AFG2A: variants seen among roughly 807,000 people sequenced by gnomAD.
The protein encoded by AFG2A is ATPase family gene 2 protein homolog A.
At chr4:122,945,041 C>T in the AFG2A span, among the ~76,000 whole-genome samples, 5 of 152,194 alleles carry the variant, frequency 3.3e-5, no homozygotes, top group African/African-American at 1.2e-4. Flanking sequence ...TGTCAGTCTG[C>T]CCCTACTGGG....
At chr4:122,953,235 T>G in the AFG2A span, among the ~76,000 whole-genome samples, 1 of 152,206 alleles carries the variant, frequency 6.6e-6, no homozygotes, top group Non-Finnish European at 1.5e-5. Flanking sequence ...TCAAGCCTGA[T>G]AAGATATCCA....
the AFG2A span, among the ~76,000 whole-genome samples, chr4:123,189,961 C>G: frequency 6.6e-6 from 1 of 151,358 alleles, no homozygotes; most frequent in Non-Finnish European, 1.5e-5. Context: ...GTGCACCACA[C>G]CTGGCTAATT....
chr4:122,982,717 A>G, the AFG2A span, among the ~76,000 whole-genome samples: 4 of 151,610 alleles, frequency 2.6e-5, no homozygotes, highest in Non-Finnish European at 5.9e-5. Context: ...GGTAGGTTGT[A>G]TGTTTCTGGG....
At chr4:123,088,526 G>A in the AFG2A span, among the ~76,000 whole-genome samples, 1 of 152,186 alleles carries the variant, frequency 6.6e-6, no homozygotes, top group African/African-American at 2.4e-5. Context: ...TTTGAAGGAT[G>A]TTGATAGTGT....
At chr4:123,034,411 G>A in the AFG2A span, among the ~76,000 whole-genome samples, 4 of 151,710 alleles carry the variant, frequency 2.6e-5, no homozygotes, top group East Asian at 1.9e-4. Context: ...GCAAACCCAC[G>A]TTAAAAGACA....
At chr4:123,002,660 C>G in the AFG2A span, among the ~76,000 whole-genome samples, 2 of 152,200 alleles carry the variant, frequency 1.3e-5, no homozygotes, top group South Asian at 4.1e-4. Flanking sequence ...TGTAGAGTTT[C>G]TGCCGAGAGA....
At chr4:123,256,049 A>G in the AFG2A span, 1 of 1,614,132 alleles carries the variant, frequency 6.2e-7, no homozygotes, top group Admixed American at 1.7e-5. Context: ...TGATAGAATC[A>G]TCTATGTGCC....
At chr4:123,117,884 G>A in the AFG2A span, among the ~76,000 whole-genome samples, 1 of 151,490 alleles carries the variant, frequency 6.6e-6, no homozygotes, top group African/African-American at 2.4e-5. Context: ...TAAGGGACCA[G>A]CCAGGGCTAC....
the AFG2A span, among the ~76,000 whole-genome samples, chr4:123,271,042 T>C: frequency 6.6e-6 from 1 of 152,194 alleles, no homozygotes; most frequent in African/African-American, 2.4e-5. Context: ...TGCCAAATTT[T>C]CACTACTGAT....
At chr4:123,067,914 C>T in the AFG2A span, among the ~76,000 whole-genome samples, 2 of 152,222 alleles carry the variant, frequency 1.3e-5, no homozygotes, top group African/African-American at 4.8e-5. Context: ...ATTGGTTGGT[C>T]AGATTTGGTC....
chr4:123,212,095 G>T, the AFG2A span, among the ~76,000 whole-genome samples: 1 of 152,020 alleles, frequency 6.6e-6, no homozygotes, highest in African/African-American at 2.4e-5. Context: ...TAACAAAAAT[G>T]GTGAGATCAG....
the AFG2A span, chr4:123,313,862 T>C: frequency 2.0e-6 from 3 of 1,531,906 alleles, no homozygotes; most frequent in African/African-American, 2.8e-5. Flanking sequence ...TACCTCCTTT[T>C]ATTTACTTAT....
chr4:122,936,137 T>C, the AFG2A span: 1 of 1,605,688 alleles, frequency 6.2e-7, no homozygotes, highest in Non-Finnish European at 8.5e-7. Context: ...ACGTCAGATA[T>C]TTGCTGAAGC....
At chr4:123,060,452 C>T in the AFG2A span, among the ~76,000 whole-genome samples, 1 of 152,222 alleles carries the variant, frequency 6.6e-6, no homozygotes, top group African/African-American at 2.4e-5. Context: ...TCCCAAACCT[C>T]AATTCTCGAC....
the AFG2A span, among the ~76,000 whole-genome samples, chr4:123,004,547 A>C: frequency 6.6e-6 from 1 of 152,172 alleles, no homozygotes; most frequent in African/African-American, 2.4e-5. Flanking sequence ...TTGATTTTCA[A>C]TGTTTGAATC....
At chr4:123,250,293 T>C in the AFG2A span, among the ~76,000 whole-genome samples, 2 of 152,192 alleles carry the variant, frequency 1.3e-5, no homozygotes. Flanking sequence ...AAATACCAGA[T>C]GTTTTGAGTC....
chr4:123,090,184 T>G, the AFG2A span, among the ~76,000 whole-genome samples: 3 of 152,212 alleles, frequency 2.0e-5, no homozygotes. Context: ...ATGTGAGGAA[T>G]GGGTTTGCAT....
At chr4:123,175,508 T>C in the AFG2A span, among the ~76,000 whole-genome samples, 1 of 152,096 alleles carries the variant, frequency 6.6e-6, no homozygotes, top group East Asian at 1.9e-4. Flanking sequence ...TAGGTGAGGA[T>C]TTGGGGTAAT....
At chr4:123,301,761 C>T in the AFG2A span, among the ~76,000 whole-genome samples, 2 of 152,204 alleles carry the variant, frequency 1.3e-5, no homozygotes, top group African/African-American at 2.4e-5. Flanking sequence ...TAGCCATTAA[C>T]ACCATGTCAT....
Sources: allele counts gnomAD v4.1 joint callset (sites outside exome capture counted in the v4.1 genomes callset), GRCh38; gene constraint gnomAD v4.1.1; transcripts MANE v1.5; gene names NCBI Gene and HGNC (gene_info 2026-07-23, HGNC 2026-07-21).